Variants in VPS53 observed in about 807,000 individuals in gnomAD.
The protein encoded by VPS53 is vacuolar protein sorting-associated protein 53 homolog.
VPS53 carries 70 observed loss-of-function variants against 107.0 expected under a neutral mutation model. The observed-to-expected ratio is 0.65, with a 90% CI of 0.54 to 0.80. The LOEUF is 0.80. Ranked by LOEUF, VPS53 falls within the 30% of genes least tolerant of loss-of-function variation. The pLI is 0.00. For synonymous variants in VPS53, 409 were observed against 393.3 expected (o/e 1.04, Z -0.47); for missense variants, 917 against 1,049.4 (o/e 0.87, Z 1.74).
chr17:547,369 C>T (rs1028253864), intron 17 of VPS53, among the ~76,000 whole-genome samples: 1 of 152,116 alleles, frequency 6.6e-6, no homozygotes, highest in African/African-American at 2.4e-5. Context: ...CTGACACATG[C>T]CCCACCATGC....
chr17:627,139 A>G (rs913119121), intron 10 of VPS53, 35 bp downstream of exon 10: 11 of 1,589,604 alleles, frequency 6.9e-6, no homozygotes, highest in Non-Finnish European at 9.4e-6. Context: ...TGAAAATTTG[A>G]TTAACCACAG....
At chr17:571,634 A>C (rs1312670427) in intron 13 of VPS53, among the ~76,000 whole-genome samples, 3 of 151,590 alleles carry the variant, frequency 2.0e-5, no homozygotes, top group African/African-American at 4.8e-5. Context: ...GCTCACTGCA[A>C]CCTCCCTGCC....
Position 679,332 on chromosome 17 carries a change from G to A in VPS53, c.286-17437C>T, listed in dbSNP as rs150414713. ...AGATTGAGACCATCCTGGCCAACAC[G>A]GTGAAACCCCATCTCTACTAAAAAT... On this transcript the variant is annotated intron_variant, in intron 4 of 21. Coordinates refer to ENST00000437048, the MANE Select transcript of VPS53 (RefSeq NM_001128159.3). 5.4e-3 allele frequency among the ~76,000 whole-genome samples: 825 copies of A among 152,058 alleles called. 24 individuals carry two copies. The highest frequency in any genetic ancestry group is 0.05 in the Admixed American group (761 of 15,254).
At position 562,590 on chromosome 17, in the gene VPS53, G is replaced by A. The variant is rs1422461850; in HGVS notation, c.1469C>T (p.Thr490Ile). 6.2e-7 allele frequency: 1 copy of A among 1,614,056 alleles called. No individual in the cohort carries two copies. Among genetic ancestry groups the A allele is most frequent in the Non-Finnish European group, 8.5e-7 (1 of 1,180,004 alleles). ...KCMVQCSQLS[T>I]GEPMIALTTI... is the part of the protein sequence containing the mutation. ...GGTCAGGGCGATCATGGGCTCCCCA[G>A]TACTGAGCTGAGAGCATTGCACCAT... Residue 490 changes from threonine to isoleucine, a missense_variant, in exon 14 of 22, where the codon ACT becomes ATT. Coordinates refer to ENST00000437048, the MANE Select transcript of VPS53 (RefSeq NM_001128159.3).
At chr17:599,345 T>G (rs1968203738) in intron 12 of VPS53, among the ~76,000 whole-genome samples, 1 of 152,176 alleles carries the variant, frequency 6.6e-6, no homozygotes, top group Non-Finnish European at 1.5e-5. Context: ...AGAAATCGGA[T>G]GGTTGCCGTG....
rs79438377 is a variant in VPS53, at chr17:561,653, G to A, written c.1556+850C>T. ...TATTTATTTATTTATTTTTTAGGGC[G>A]GAGTCTCCCTGCAATGCCCAGGCTG... is the stretch of plus-strand genomic sequence containing the variant. On this transcript the variant is annotated intron_variant, in intron 14 of 21. Transcript: ENST00000437048. Among the ~76,000 whole-genome samples, 406 of 152,192 alleles carry A rather than the reference G, an allele frequency of 2.7e-3. 3 individuals are homozygous for A. The highest frequency in any genetic ancestry group is 9.3e-3 in the African/African-American group (388 of 41,530).
intron 4 of VPS53, chr17:674,117 C>A (rs974419352): frequency 1.3e-5 from 2 of 152,210 alleles, no homozygotes; most frequent in Non-Finnish European, 2.9e-5. Flanking sequence ...TTTCAAGCAA[C>A]ACCTCCAAGT....
chr17:648,342 G>A (rs1211183502), intron 7 of VPS53, among the ~76,000 whole-genome samples: 1 of 152,226 alleles, frequency 6.6e-6, no homozygotes, highest in Non-Finnish European at 1.5e-5. Flanking sequence ...GAGGTGTCAA[G>A]AGTTCGAGAC....
chr17:577,301 A>G (rs995014737), intron 13 of VPS53, among the ~76,000 whole-genome samples: 1 of 146,586 alleles, frequency 6.8e-6, no homozygotes, highest in Non-Finnish European at 1.5e-5. Context: ...ACCACAATGC[A>G]TTCCTAGAGA....
chr17:615,264 C>A (rs1429078867), intron 11 of VPS53, among the ~76,000 whole-genome samples: 1 of 152,230 alleles, frequency 6.6e-6, no homozygotes, highest in Non-Finnish European at 1.5e-5. Context: ...GGTTAAGCAA[C>A]AAGCCTGTCC....
chr17:640,882 C>G (rs965526209), intron 7 of VPS53, among the ~76,000 whole-genome samples: 1 of 151,846 alleles, frequency 6.6e-6, no homozygotes, highest in Non-Finnish European at 1.5e-5. Context: ...GAGACGAAGT[C>G]TCACTCTTGT....
chr17:622,656 G>C (rs1969516796), intron 11 of VPS53, among the ~76,000 whole-genome samples: 1 of 152,154 alleles, frequency 6.6e-6, no homozygotes, highest in South Asian at 2.1e-4. Context: ...GAAATCTGAA[G>C]AGAGCACCTT....
intron 11 of VPS53, among the ~76,000 whole-genome samples, chr17:621,802 A>G (rs1280185198): frequency 3.3e-5 from 5 of 152,068 alleles, no homozygotes; most frequent in African/African-American, 4.8e-5. Flanking sequence ...TCCCTTGATT[A>G]TGTTTCTGGT....
At position 520,966 on chromosome 17, in the gene VPS53, G is replaced by A. The variant is rs1908709733; in HGVS notation, c.2223+635C>T. On this transcript the variant is annotated intron_variant, in intron 20 of 21. Transcript: ENST00000437048. The surrounding 1 kb of genome is among the most constrained non-coding windows in gnomAD (Gnocchi z 4.4). ...CCTGCTGCCACTTCCTACTCCTGCC[G>A]TCCCTGAGTCATCTGGTTTAGGAAG... Among the ~76,000 whole-genome samples the A allele has an allele frequency of 6.6e-6, 1 of 151,890 alleles. No individual in the cohort carries two copies. The highest frequency in any genetic ancestry group is 2.4e-5 in the African/African-American group (1 of 41,256).
chr17:700,929 T>C (rs189051158), intron 2 of VPS53, among the ~76,000 whole-genome samples: 2 of 152,144 alleles, frequency 1.3e-5, no homozygotes, highest in African/African-American at 4.8e-5. Flanking sequence ...AGGCCATGAG[T>C]GTTTGAGATG....
chr17:579,032 G>A (rs937606860), intron 13 of VPS53, among the ~76,000 whole-genome samples: 1 of 145,296 alleles, frequency 6.9e-6, no homozygotes, highest in Non-Finnish European at 1.5e-5. Flanking sequence ...ACCTCCCTCA[G>A]GACCTAATGC....
In VPS53 at chr17:681,124, TTTTG is replaced by T. The variant is rs200642300; in HGVS notation, c.285+16290_285+16293del. On this transcript the variant is annotated intron_variant, in intron 4 of 21. Coordinates refer to ENST00000437048, the MANE Select transcript of VPS53 (RefSeq NM_001128159.3). ...CCCCCCAGACAAAACAAAGTTGTTT[TTTTG>T]TTTGTTTGTTTTTTGTTTTCTGTTT... Among the ~76,000 whole-genome samples the T allele has an allele frequency of 1.5e-3, 221 of 152,268 alleles. 1 individual carries two copies. The highest frequency in any genetic ancestry group is 0.012 in the East Asian group (62 of 5,182).
At chr17:677,626 A>AT (rs1212124657) in intron 4 of VPS53, among the ~76,000 whole-genome samples, 6 of 152,110 alleles carry the variant, frequency 3.9e-5, no homozygotes, top group Admixed American at 6.5e-5. Context: ...TTATATACAT[A>AT]TTTTACAAGG....
At chr17:536,471 G>A (rs575639510) in intron 18 of VPS53, 1 of 152,354 alleles carries the variant, frequency 6.6e-6, no homozygotes, top group Admixed American at 6.5e-5. Context: ...GGCAAGGAGA[G>A]CTTATGCCTG....
Sources: allele counts gnomAD v4.1 joint callset (sites outside exome capture counted in the v4.1 genomes callset), GRCh38; gene constraint gnomAD v4.1.1; non-coding constraint Gnocchi (gnomAD v3.1); transcripts MANE v1.5; gene names NCBI Gene and HGNC (gene_info 2026-07-23, HGNC 2026-07-21).